Variants in CYSLTR1 observed in about 807,000 individuals in gnomAD.
The protein encoded by CYSLTR1 is G-protein coupled receptor HG55.
Under a neutral mutation model 2.1 loss-of-function variants are expected in CYSLTR1, and 1 was observed. The observed-to-expected ratio is 0.48, with a 90% CI of 0.17 to 2.28. The LOEUF is 2.28. Ranked by LOEUF, CYSLTR1 falls within the 30% of genes most tolerant of loss-of-function variation. The pLI is 0.26. For missense variants in CYSLTR1, 299 were observed against 250.1 expected, an observed-to-expected ratio of 1.20 and a Z score of -1.32; for synonymous variants, 110 against 89.6, an observed-to-expected ratio of 1.23 and a Z score of -1.28.
At chrX:78,300,175 G>A (rs982734237) in intron 1 of CYSLTR1, among the ~76,000 whole-genome samples, 2 of 112,066 alleles carry the variant, frequency 1.8e-5, no homozygotes, top group Non-Finnish European at 3.8e-5. Flanking sequence ...AAATTTACCT[G>A]ATAGAATTCT....
At chrX:78,322,976 G>T (rs769326129) in intron 1 of CYSLTR1, among the ~76,000 whole-genome samples, 1 of 111,659 alleles carries the variant, frequency 9.0e-6, no homozygotes, top group East Asian at 2.8e-4. Flanking sequence ...CCCTTCCATT[G>T]TACTGTGCCA....
At chrX:78,294,610 C>T (rs1922498027) in intron 1 of CYSLTR1, among the ~76,000 whole-genome samples, 1 of 112,800 alleles carries the variant, frequency 8.9e-6, no homozygotes, top group African/African-American at 3.2e-5. Context: ...AGGCAGTAGG[C>T]CTTGCTGAGC....
chrX:78,302,172 G>A (rs974233646), intron 1 of CYSLTR1, among the ~76,000 whole-genome samples: 1 of 111,944 alleles, frequency 8.9e-6, no homozygotes, highest in African/African-American at 3.2e-5. Context: ...AGGCAGAGGA[G>A]CCTCACCCCA....
chrX:78,285,621 C>G (rs1047777518), intron 1 of CYSLTR1, among the ~76,000 whole-genome samples: 1 of 111,649 alleles, frequency 9.0e-6, no homozygotes, highest in African/African-American at 3.3e-5. Flanking sequence ...GCTTAATGCA[C>G]TATCTAGTTA....
intron 1 of CYSLTR1, among the ~76,000 whole-genome samples, chrX:78,290,022 T>C (rs1216995225): frequency 8.9e-6 from 1 of 111,969 alleles, no homozygotes; most frequent in Non-Finnish European, 1.9e-5. Context: ...GGTGTTTCAG[T>C]CATGAAGGCT....
chrX:78,314,112 G>C (rs321006), intron 1 of CYSLTR1, among the ~76,000 whole-genome samples: 1 of 110,681 alleles, frequency 9.0e-6, no homozygotes, highest in South Asian at 3.8e-4. Flanking sequence ...AGAGGTTTAG[G>C]ACATAGGAGA....
At chrX:78,324,009 C>T (rs1163093577) in intron 1 of CYSLTR1, among the ~76,000 whole-genome samples, 1 of 111,518 alleles carries the variant, frequency 9.0e-6, no homozygotes, top group Non-Finnish European at 1.9e-5. Context: ...GTATTTTTTT[C>T]TCTTTTCTTC....
At chrX:78,300,937 C>T (rs1315131339) in intron 1 of CYSLTR1, among the ~76,000 whole-genome samples, 2 of 112,492 alleles carry the variant, frequency 1.8e-5, no homozygotes, top group African/African-American at 3.2e-5. Context: ...GTTTCCAAAC[C>T]TCAATTCTTG....
intron 1 of CYSLTR1, among the ~76,000 whole-genome samples, chrX:78,305,057 A>C (rs1288687563): frequency 2.7e-5 from 3 of 111,472 alleles, no homozygotes; most frequent in Admixed American, 9.5e-5. Context: ...CAAGATTCCA[A>C]ATCCAATGAT....
At chrX:78,312,567 G>C (rs1261679059) in intron 1 of CYSLTR1, among the ~76,000 whole-genome samples, 1 of 111,860 alleles carries the variant, frequency 8.9e-6, no homozygotes, top group African/African-American at 3.2e-5. Flanking sequence ...ATATTTGCAA[G>C]CTGTACACCT....
intron 1 of CYSLTR1, among the ~76,000 whole-genome samples, chrX:78,318,105 A>C (rs1268083230): frequency 8.9e-6 from 1 of 112,465 alleles, no homozygotes; most frequent in African/African-American, 3.2e-5. Context: ...TTGCAGTACT[A>C]TTCACAATAG....
chrX:78,281,933 T>C (rs1921861867), intron 2 of CYSLTR1, among the ~76,000 whole-genome samples: 1 of 112,275 alleles, frequency 8.9e-6, no homozygotes, highest in Non-Finnish European at 1.9e-5. Flanking sequence ...GCCTTCAGAA[T>C]AACATCTAGA....
At chrX:78,281,601 G>C (rs966430002) in intron 2 of CYSLTR1, among the ~76,000 whole-genome samples, 10 of 111,287 alleles carry the variant, frequency 9.0e-5, no homozygotes, top group African/African-American at 3.3e-4. Flanking sequence ...TTAAATAATA[G>C]CCATTCCAAC....
intron 1 of CYSLTR1, among the ~76,000 whole-genome samples, chrX:78,314,049 T>A (rs1021189310): frequency 2.7e-5 from 3 of 111,585 alleles, no homozygotes; most frequent in Non-Finnish European, 5.7e-5. Context: ...ACACTTTTGA[T>A]GAGAAAGACC....
chrX:78,286,293 A>G (rs1922070050), intron 1 of CYSLTR1, among the ~76,000 whole-genome samples: 1 of 111,026 alleles, frequency 9.0e-6, no homozygotes, highest in African/African-American at 3.3e-5. Flanking sequence ...AATAAAAAAA[A>G]TGTTGCTGAA....
intron 1 of CYSLTR1, among the ~76,000 whole-genome samples, chrX:78,300,920 G>C (rs1922794601): frequency 8.9e-6 from 1 of 112,589 alleles, no homozygotes; most frequent in South Asian, 3.6e-4. Context: ...CTGAAATCTA[G>C]CTGGAGGTTT....
chrX:78,320,038 A>T (rs1273452149), intron 1 of CYSLTR1: 6 of 110,962 alleles, frequency 5.4e-5, no homozygotes, highest in African/African-American at 2.0e-4. Flanking sequence ...GATTGCAAAA[A>T]TTTTCTCCCA....
chrX:78,319,621 T>C (rs1270694004), intron 1 of CYSLTR1: 1 of 111,413 alleles, frequency 9.0e-6, no homozygotes. Flanking sequence ...ATCCTTTGGG[T>C]ATATACCCAG....
At chrX:78,309,564 C>T (rs768727913) in intron 1 of CYSLTR1, among the ~76,000 whole-genome samples, 42 of 111,520 alleles carry the variant, frequency 3.8e-4, no homozygotes, top group Non-Finnish European at 7.7e-4. Flanking sequence ...AAAGAGATGA[C>T]AGCTATGTTC....
Sources: gnomAD v4.1 joint callset for allele counts (sites outside exome capture counted in the v4.1 genomes callset) on GRCh38, gnomAD v4.1.1 for gene constraint, MANE v1.5 for transcripts, NCBI Gene and HGNC (gene_info 2026-07-23, HGNC 2026-07-21) for gene names.